EXOC6: variants seen among roughly 807,000 people sequenced by gnomAD.
EXOC6 encodes exocyst complex component 6.
EXOC6 carries 60 observed loss-of-function variants against 112.5 expected under a neutral mutation model. That is an observed-to-expected ratio of 0.53 (90% CI 0.43 to 0.66). The LOEUF (loss-of-function observed/expected upper bound fraction) is 0.66. EXOC6 is among the 30% of genes least tolerant of loss of function. The pLI, the probability that EXOC6 is intolerant of heterozygous loss-of-function variation, is 0.00. For missense variants in EXOC6, 855 were observed against 957.1 expected (o/e 0.89, Z 1.41); for synonymous variants, 295 against 308.0 (o/e 0.96, Z 0.44).
At chr10:92,909,063 TAGG>T (rs1850599979) in intron 5 of EXOC6, among the ~76,000 whole-genome samples, 2 of 152,198 alleles carry the variant, frequency 1.3e-5, no homozygotes, top group South Asian at 4.1e-4. Flanking sequence ...GATATTATGA[TAGG>T]AGACAGAATA....
intron 13 of EXOC6, among the ~76,000 whole-genome samples, chr10:92,946,332 T>C (rs1040995223): frequency 1.3e-5 from 2 of 151,792 alleles, no homozygotes; most frequent in Admixed American, 1.3e-4. Flanking sequence ...AGGCTGAGGC[T>C]GCAGTGAGCC....
intron 20 of EXOC6, among the ~76,000 whole-genome samples, chr10:93,051,147 C>CTTTTTT: frequency 6.8e-6 from 1 of 146,928 alleles, no homozygotes. Context: ...CTGTATTCCT[C>CTTTTTT]TTTTTTTTTT....
chr10:92,947,467 G>A (rs140727122), intron 13 of EXOC6, among the ~76,000 whole-genome samples: 11 of 152,276 alleles, frequency 7.2e-5, no homozygotes, highest in African/African-American at 2.2e-4. Flanking sequence ...CTGTTTCTGC[G>A]TCACCAACTA....
chr10:92,873,568 A>G (rs1173142911), intron 1 of EXOC6, among the ~76,000 whole-genome samples: 1 of 152,222 alleles, frequency 6.6e-6, no homozygotes, highest in Non-Finnish European at 1.5e-5. Context: ...ATTAAAGTAT[A>G]TCAATTCTGT....
chr10:92,904,185 C>T (rs1016222939), intron 5 of EXOC6, among the ~76,000 whole-genome samples: 1 of 151,948 alleles, frequency 6.6e-6, no homozygotes, highest in Admixed American at 6.6e-5. Context: ...ATGGATGAAC[C>T]ATAGTTTATC....
At chr10:92,837,926 T>C (rs1846713783) in intron 1 of EXOC6, among the ~76,000 whole-genome samples, 1 of 152,236 alleles carries the variant, frequency 6.6e-6, no homozygotes, top group Non-Finnish European at 1.5e-5. Context: ...AGGCATTGCT[T>C]TGGCAAATAT....
chr10:92,982,983 A>T (rs75887198), intron 18 of EXOC6, among the ~76,000 whole-genome samples: 1,623 of 152,320 alleles, frequency 0.011, 33 homozygotes, highest in African/African-American at 0.037. Flanking sequence ...ATAAATAAAG[A>T]TACATTATTT....
chr10:93,003,522 A>AT (rs1329235884), intron 19 of EXOC6, among the ~76,000 whole-genome samples: 1 of 152,160 alleles, frequency 6.6e-6, no homozygotes, highest in Admixed American at 6.5e-5. Context: ...TTGAGCTAAA[A>AT]TTTCAGTCTG....
chr10:93,052,333 T>G (rs1376024909), intron 20 of EXOC6, among the ~76,000 whole-genome samples: 2 of 152,216 alleles, frequency 1.3e-5, no homozygotes, highest in African/African-American at 4.8e-5. Context: ...GATGGGAAAC[T>G]GTCAGCAAGC....
intron 6 of EXOC6, among the ~76,000 whole-genome samples, chr10:92,912,528 T>C (rs1850843414): frequency 6.6e-6 from 1 of 152,146 alleles, no homozygotes; most frequent in South Asian, 2.1e-4. Context: ...GGTGAGATGG[T>C]CACATGGGGA....
intron 19 of EXOC6, among the ~76,000 whole-genome samples, chr10:93,000,097 T>A (rs1843689218): frequency 6.6e-6 from 1 of 152,200 alleles, no homozygotes; most frequent in African/African-American, 2.4e-5. Flanking sequence ...TATCTGCAGT[T>A]TCAGGCATCC....
At chr10:92,851,475 G>A (rs979949251) in intron 1 of EXOC6, among the ~76,000 whole-genome samples, 1 of 151,798 alleles carries the variant, frequency 6.6e-6, no homozygotes, top group Non-Finnish European at 1.5e-5. Flanking sequence ...GTGAAACCCC[G>A]TCCCTACTAA....
intron 1 of EXOC6, among the ~76,000 whole-genome samples, chr10:92,839,616 C>T (rs1846772895): frequency 1.3e-5 from 2 of 152,160 alleles, no homozygotes; most frequent in Non-Finnish European, 2.9e-5. Flanking sequence ...GACCTGCTCC[C>T]CTGGATACTG....
upstream of EXOC6, among the ~76,000 whole-genome samples, chr10:92,847,088 A>G (rs1295002738): frequency 6.6e-6 from 1 of 152,236 alleles, no homozygotes; most frequent in African/African-American, 2.4e-5. Flanking sequence ...CAAGGAACAC[A>G]GACATGCTGA....
At chr10:92,933,249 T>A (rs1182676605) in intron 9 of EXOC6, among the ~76,000 whole-genome samples, 6 of 152,118 alleles carry the variant, frequency 3.9e-5, no homozygotes, top group Admixed American at 3.3e-4. Context: ...TTTTAAAATA[T>A]GTGTCAGTAT....
intron 1 of EXOC6, among the ~76,000 whole-genome samples, chr10:92,852,231 T>A (rs757318058): frequency 6.6e-6 from 1 of 152,216 alleles, no homozygotes; most frequent in East Asian, 1.9e-4. Context: ...TTTGCTGTTA[T>A]AAGCCTTCCC....
chr10:92,996,203 T>C (rs1055694546), intron 18 of EXOC6, among the ~76,000 whole-genome samples: 1 of 152,200 alleles, frequency 6.6e-6, no homozygotes, highest in Non-Finnish European at 1.5e-5. Flanking sequence ...ATGATATTCA[T>C]AGATCTTTGA....
intron 1 of EXOC6, among the ~76,000 whole-genome samples, chr10:92,828,663 A>T (rs1462659146): frequency 1.0e-4 from 10 of 97,184 alleles, no homozygotes; most frequent in African/African-American, 2.1e-4. Context: ...ATAGACTTCT[A>T]TTTCTAGGTT....
At position 92,955,562 on chromosome 10, in the gene EXOC6, A is replaced by G; in HGVS notation, c.1639-18A>G. On this transcript the variant is annotated intron_variant, in intron 16 of 21. Transcript: ENST00000260762. ...ACATGTAACCTGTATTTTACTAGAT[A>G]TATCTTGTGTTTTCTAGCTGGTACA... The G allele has an allele frequency of 6.2e-7, 1 of 1,600,450 alleles. No individual in the cohort carries two copies. The highest frequency in any genetic ancestry group is 8.5e-7 in the Non-Finnish European group (1 of 1,172,122).
Sources: gnomAD v4.1 joint callset for allele counts (sites outside exome capture counted in the v4.1 genomes callset) on GRCh38, gnomAD v4.1.1 for gene constraint, MANE v1.5 for transcripts, NCBI Gene and HGNC (gene_info 2026-07-23, HGNC 2026-07-21) for gene names.